BIRC6: variants seen among roughly 807,000 people sequenced by gnomAD.
The protein encoded by BIRC6 is dual E2 ubiquitin-conjugating enzyme/E3 ubiquitin-protein ligase BIRC6.
In BIRC6, 98 loss-of-function variants were observed where a neutral mutation model predicts 503.3. The observed-to-expected ratio is 0.19, with a 90% CI of 0.17 to 0.23. BIRC6 has a LOEUF of 0.23. BIRC6 is among the 10% of genes least tolerant of loss of function. The pLI is 1.00. For missense variants in BIRC6, 5,360 were observed against 5,806.0 expected, an observed-to-expected ratio of 0.92 and a Z score of 2.50; for synonymous variants, 2,240 against 2,078.7, an observed-to-expected ratio of 1.08 and a Z score of -2.11.
At chr2:32,534,034 T>A (rs2056992593) in intron 61 of BIRC6, among the ~76,000 whole-genome samples, 1 of 152,140 alleles carries the variant, frequency 6.6e-6, no homozygotes, top group Non-Finnish European at 1.5e-5. Context: ...TATATCAAAT[T>A]AAGGATACTG....
chr2:32,426,786 T>G (rs1202584054), intron 10 of BIRC6, among the ~76,000 whole-genome samples: 1 of 152,206 alleles, frequency 6.6e-6, no homozygotes, highest in Non-Finnish European at 1.5e-5. Flanking sequence ...TAAAGGGGCT[T>G]TCTTTGGGGC....
intron 22 of BIRC6, 36 bp from the exon 23 acceptor site, chr2:32,453,772 T>A (rs769766613): frequency 6.3e-7 from 1 of 1,599,020 alleles, no homozygotes; most frequent in Non-Finnish European, 8.5e-7. Context: ...TTAAAAATTA[T>A]CTTCACGTGT....
At chr2:32,407,744 T>C (rs752478527) in intron 9 of BIRC6, among the ~76,000 whole-genome samples, 1 of 152,148 alleles carries the variant, frequency 6.6e-6, no homozygotes, top group Admixed American at 6.6e-5. Flanking sequence ...GGTTAATCTT[T>C]AGCAGTCTTT....
chr2:32,614,135 C>T (rs1040172389), intron 73 of BIRC6, among the ~76,000 whole-genome samples: 3 of 152,156 alleles, frequency 2.0e-5, no homozygotes, highest in Non-Finnish European at 2.9e-5. Flanking sequence ...GTCTTAGAAT[C>T]TTCAAGTATT....
chr2:32,412,457 A>G (rs1486705408), intron 9 of BIRC6, among the ~76,000 whole-genome samples: 2 of 152,178 alleles, frequency 1.3e-5, no homozygotes, highest in Non-Finnish European at 2.9e-5. Flanking sequence ...AGATTATGCC[A>G]TTGCACTCCC....
rs772096320 is a variant in BIRC6 at position 32,515,124 on chromosome 2, C to G, written c.10703C>G (p.Pro3568Arg). 1 of 1,613,944 alleles carries G rather than the reference C, an allele frequency of 6.2e-7. No individual in the cohort carries two copies. Among genetic ancestry groups the G allele is most frequent in the South Asian group, 1.1e-5 (1 of 91,080 alleles). Residue 3568 changes from proline (P) to arginine (R), a missense_variant, in exon 55 of 74, where the codon CCT becomes CGT. Transcript: ENST00000421745. ...CTCATGGGCTGGATGGGAATTACCC[C>G]TCCTCCAGTGCAATGTCATCATAGA... ...SLLMGWMGIT[P>R]PPVQCHHRLS...
At chr2:32,577,314 G>C (rs1316408274) in intron 66 of BIRC6, among the ~76,000 whole-genome samples, 2 of 151,980 alleles carry the variant, frequency 1.3e-5, no homozygotes, top group Admixed American at 1.3e-4. Flanking sequence ...TTACATTTCT[G>C]TGTTTTGAGA....
At chr2:32,395,873 G>A (rs576523281) in intron 6 of BIRC6, among the ~76,000 whole-genome samples, 4 of 152,258 alleles carry the variant, frequency 2.6e-5, no homozygotes, top group East Asian at 1.9e-4. Context: ...GAACTCCAGC[G>A]TGAGCTTCAG....
chr2:32,574,202 C>T (rs1221760951), intron 65 of BIRC6, among the ~76,000 whole-genome samples: 4 of 149,168 alleles, frequency 2.7e-5, no homozygotes, highest in Admixed American at 1.4e-4. Flanking sequence ...TGCCCTATCA[C>T]CCAGGCTGGA....
chr2:32,561,218 C>T (rs1483863468), intron 65 of BIRC6, among the ~76,000 whole-genome samples: 2 of 151,318 alleles, frequency 1.3e-5, no homozygotes, highest in African/African-American at 4.8e-5. Context: ...AAATTGACCT[C>T]CAAGTAACAT....
chr2:32,396,822 C>T (rs1207537171), intron 6 of BIRC6, among the ~76,000 whole-genome samples: 1 of 152,066 alleles, frequency 6.6e-6, no homozygotes, highest in Non-Finnish European at 1.5e-5. Context: ...CTCCCGGGTT[C>T]AGGCGATTCT....
At chr2:32,541,825 G>T (rs1422152369) in intron 61 of BIRC6, among the ~76,000 whole-genome samples, 1 of 152,084 alleles carries the variant, frequency 6.6e-6, no homozygotes, top group Non-Finnish European at 1.5e-5. Flanking sequence ...CCTAAGTTCA[G>T]AAAACTTCTC....
intron 16 of BIRC6, among the ~76,000 whole-genome samples, chr2:32,439,914 T>C (rs1031431690): frequency 1.3e-5 from 2 of 152,196 alleles, no homozygotes. Flanking sequence ...GGTCTCACTC[T>C]TTCCCCCAGG....
chr2:32,501,956 A>G, intron 47 of BIRC6, 68 bp downstream of exon 47: 1 of 1,394,512 alleles, frequency 7.2e-7, no homozygotes, highest in South Asian at 1.4e-5. Flanking sequence ...GGAAAATTAC[A>G]GGACAAAGAT....
chr2:32,410,595 T>C (rs189679369), intron 9 of BIRC6, among the ~76,000 whole-genome samples: 6 of 152,340 alleles, frequency 3.9e-5, no homozygotes, highest in Admixed American at 3.9e-4. Flanking sequence ...AGTGAGCATG[T>C]AGAAGAGATC....
chr2:32,616,455 G>C (rs1649929647), intron 73 of BIRC6, among the ~76,000 whole-genome samples: 2 of 151,592 alleles, frequency 1.3e-5, no homozygotes, highest in African/African-American at 4.9e-5. Flanking sequence ...AGTTGCTCGG[G>C]AGGCTGAGGC....
chr2:32,534,137 G>A (rs2057001666), intron 61 of BIRC6, among the ~76,000 whole-genome samples: 1 of 152,092 alleles, frequency 6.6e-6, no homozygotes, highest in Non-Finnish European at 1.5e-5. Flanking sequence ...ACTTTGGGAG[G>A]CCAAGGCAGG....
intron 39 of BIRC6, 21 bp from the exon 40 acceptor site, chr2:32,485,622 T>C: frequency 6.6e-7 from 1 of 1,521,578 alleles, no homozygotes; most frequent in Non-Finnish European, 9.1e-7. Context: ...GTTTTCTTTT[T>C]CTTTCAATTG....
Position 32,357,585 on chromosome 2 carries a change from G to A in BIRC6, c.325+99G>A. 1 of 1,488,476 alleles carries A rather than the reference G, an allele frequency of 6.7e-7. No individual in the cohort carries two copies. Among genetic ancestry groups the A allele is most frequent in the Non-Finnish European group, 8.9e-7 (1 of 1,125,818 alleles). The allele number at this position is 1,488,476 out of a possible 1,614,324, so 92.2% of individuals were successfully genotyped here. A position where few individuals can be genotyped will look rare whatever the true frequency, so the allele number is the denominator to read the frequency against. ...ACTCGGGGAAGCGAGATGGCGAGAG[G>A]GCAGGGCTGGGGGTTCGGGCCCAGC... On this transcript the variant is annotated intron_variant, in intron 1 of 73. Coordinates refer to ENST00000421745, the MANE Select transcript of BIRC6 (RefSeq NM_016252.4). This position sits in a 1 kb window ranked among gnomAD's most constrained non-coding sequence, Gnocchi z 4.9.
Sources: allele counts gnomAD v4.1 joint callset (sites outside exome capture counted in the v4.1 genomes callset), GRCh38; gene constraint gnomAD v4.1.1; non-coding constraint Gnocchi (gnomAD v3.1); transcripts MANE v1.5; gene names NCBI Gene and HGNC (gene_info 2026-07-23, HGNC 2026-07-21).